NEBL: variants seen among roughly 807,000 people sequenced by gnomAD.
NEBL encodes the protein nebulette.
In NEBL, 122 loss-of-function variants were observed where a neutral mutation model predicts 140.2. That is an observed-to-expected ratio of 0.87 (90% CI 0.75 to 1.01). The LOEUF is 1.01. NEBL is among the 50% of genes least tolerant of loss of function. The pLI is 0.00. For synonymous variants in NEBL, 436 were observed against 398.9 expected (o/e 1.09, Z -1.11); for missense variants, 1,365 against 1,231.3 (o/e 1.11, Z -1.62).
At chr10:21,181,626 T>C (rs7095713) in intron 3 of NEBL, among the ~76,000 whole-genome samples, 64,789 of 152,056 alleles carry the variant, frequency 0.43, 16,623 homozygotes, top group East Asian at 0.75. Context: ...CTCTGACCTT[T>C]CCGGGTGAGC....
chr10:20,885,360 C>T (rs938308373), intron 4 of NEBL, among the ~76,000 whole-genome samples: 7 of 152,088 alleles, frequency 4.6e-5, no homozygotes, highest in Non-Finnish European at 5.9e-5. Context: ...TTGAAGTAGC[C>T]GCCTTATTCA....
At chr10:20,880,968 A>C (rs1391174522) in intron 4 of NEBL, 64 bp from the exon 5 acceptor site, 1 of 1,324,392 alleles carries the variant, frequency 7.6e-7, no homozygotes, top group Non-Finnish European at 1.1e-6. Flanking sequence ...TGCTAATTTC[A>C]GTGTTTTGCC....
At chr10:21,109,076 C>T (rs996115054) in intron 2 of NEBL, among the ~76,000 whole-genome samples, 3 of 152,020 alleles carry the variant, frequency 2.0e-5, no homozygotes, top group Non-Finnish European at 4.4e-5. Context: ...TGTCTTGTGC[C>T]GGTTTTCAAA....
chr10:21,090,458 C>A (rs560920983), intron 2 of NEBL, among the ~76,000 whole-genome samples: 3 of 152,074 alleles, frequency 2.0e-5, no homozygotes, highest in African/African-American at 7.2e-5. Context: ...TTAAAGTATA[C>A]AGGAGGATGC....
intron 2 of NEBL, among the ~76,000 whole-genome samples, chr10:21,038,081 A>G (rs1182495065): frequency 6.6e-6 from 1 of 152,208 alleles, no homozygotes; most frequent in African/African-American, 2.4e-5. Flanking sequence ...ACATCTTCTT[A>G]TCAGCAAAAC....
At chr10:21,124,357 A>G (rs1192107339) in intron 2 of NEBL, among the ~76,000 whole-genome samples, 2 of 152,246 alleles carry the variant, frequency 1.3e-5, no homozygotes, top group Non-Finnish European at 2.9e-5. Flanking sequence ...AAAGAAATCC[A>G]ATACCAAAGA....
At chr10:21,015,236 CG>C (rs971742075) in intron 3 of NEBL, among the ~76,000 whole-genome samples, 12 of 151,714 alleles carry the variant, frequency 7.9e-5, no homozygotes, top group Non-Finnish European at 1.6e-4. Context: ...TGAGGAGAGT[CG>C]GGGGGGTTTG....
chr10:20,825,386 G>A (rs1337949883), intron 18 of NEBL, among the ~76,000 whole-genome samples: 2 of 152,186 alleles, frequency 1.3e-5, no homozygotes, highest in African/African-American at 4.8e-5. Context: ...GAAAGGCACA[G>A]TAGCTTATGC....
intron 5 of NEBL, among the ~76,000 whole-genome samples, chr10:20,880,347 G>A (rs181758933): frequency 9.2e-4 from 140 of 152,292 alleles, no homozygotes; most frequent in African/African-American, 3.1e-3. Flanking sequence ...GTGACAGAGC[G>A]AGGCTCTGTG....
intron 3 of NEBL, among the ~76,000 whole-genome samples, chr10:21,185,476 C>A (rs1263717505): frequency 7.0e-6 from 1 of 143,684 alleles, no homozygotes; most frequent in Non-Finnish European, 1.5e-5. Flanking sequence ...CTTTCGGTTC[C>A]ATTTTCTTTC....
At chr10:21,175,531 GACAAAA>G (rs1228921833), upstream of NEBL, among the ~76,000 whole-genome samples, 1 of 152,198 alleles carries the variant, frequency 6.6e-6, no homozygotes, top group Non-Finnish European at 1.5e-5. Flanking sequence ...AGCTTTTCAT[GACAAAA>G]GAAAACCATT....
At chr10:20,947,605 C>A (rs2131585625) in intron 4 of NEBL, among the ~76,000 whole-genome samples, 1 of 151,862 alleles carries the variant, frequency 6.6e-6, no homozygotes, top group East Asian at 1.9e-4. Flanking sequence ...CACTGATGAG[C>A]TTCATAGTTG....
At chr10:21,096,488 AGTGT>A (rs10541564) in intron 2 of NEBL, among the ~76,000 whole-genome samples, 9,623 of 141,498 alleles carry the variant, frequency 0.068, 495 homozygotes, top group African/African-American at 0.15. Flanking sequence ...CTTGGTTTTG[AGTGT>A]GTGTGTGTGT....
chr10:20,850,629 G>T (rs1842417612), intron 10 of NEBL, 127 bp from the exon 11 acceptor site: 5 of 662,776 alleles, frequency 7.5e-6, no homozygotes, highest in South Asian at 7.2e-5. Flanking sequence ...GGCCATTTAG[G>T]TTGAGCACTG....
intron 13 of NEBL, 140 bp downstream of exon 13, chr10:20,840,599 A>C: frequency 1.5e-6 from 1 of 658,324 alleles, no homozygotes; most frequent in Non-Finnish European, 2.6e-6. Context: ...TAATAGTCCA[A>C]GAAAAGACTA....
At chr10:21,127,213 G>A (rs552740189) in intron 2 of NEBL, among the ~76,000 whole-genome samples, 1 of 151,994 alleles carries the variant, frequency 6.6e-6, no homozygotes, top group East Asian at 1.9e-4. Context: ...ATCAATAACA[G>A]AAAATAATGA....
At position 20,939,823 on chromosome 10, in the gene NEBL, C is replaced by A. The variant is rs559434621; in HGVS notation, c.357+21849G>T. Reference sequence around the variant, plus strand: ...AAGCAGACTTTAAATGAACAAAGATCAAAAGAGACAAAGAAGGCCATTACA... The same window carrying A: ...AAGCAGACTTTAAATGAACAAAGATAAAAAGAGACAAAGAAGGCCATTACA... On this transcript the variant is annotated intron_variant, in intron 4 of 6. Transcript: ENST00000417816. Among the ~76,000 whole-genome samples, 3 of 152,156 alleles carry A rather than the reference C, an allele frequency of 2.0e-5. No homozygotes were observed. The East Asian group carries it at 5.8e-4, about 29-fold the overall frequency.
In NEBL at chr10:20,859,713, A is replaced by T; in HGVS notation, c.798T>A (p.Asn266Lys). ...QNQLAATLAS[N>K]VKYKKDIQNM... is the part of the protein sequence containing the mutation. ...TAATTTTCTATGAATTACAACTTAC[A>T]TTGCTCGCCAGTGTAGCAGCAAGCT... Residue 266 changes from asparagine (N) to lysine (K), a missense_variant and splice_region_variant, in exon 8 of 28, where the codon AAT becomes AAA. Transcript: ENST00000377122. 4 of 1,560,768 alleles carry T rather than the reference A, an allele frequency of 2.6e-6. No homozygotes were observed. The highest frequency in any genetic ancestry group is 3.5e-6 in the Non-Finnish European group (4 of 1,133,564).
intron 11 of NEBL, among the ~76,000 whole-genome samples, chr10:20,849,992 A>G (rs1452500538): frequency 2.0e-5 from 3 of 151,788 alleles, no homozygotes; most frequent in Non-Finnish European, 4.4e-5. Context: ...TGTTAGTTCT[A>G]TTTTCATTGA....
Sources: gnomAD v4.1 joint callset for allele counts (sites outside exome capture counted in the v4.1 genomes callset) on GRCh38, gnomAD v4.1.1 for gene constraint, MANE v1.5 for transcripts, NCBI Gene and HGNC (gene_info 2026-07-23, HGNC 2026-07-21) for gene names.